Variants in MAP3K9 observed in about 807,000 individuals in gnomAD.
The protein encoded by MAP3K9 is mitogen-activated protein kinase kinase kinase 9, also known as mixed lineage kinase 1 (tyr and ser/thr specificity).
Under a neutral mutation model 95.8 loss-of-function variants are expected in MAP3K9, and 46 were observed. The ratio of observed to expected loss-of-function variants is 0.48; its 90% CI spans 0.38 to 0.61. The LOEUF is 0.61. MAP3K9 is among the 20% of genes least tolerant of loss of function. The pLI is 0.00. For synonymous variants in MAP3K9, 533 were observed against 593.8 expected, an observed-to-expected ratio of 0.90 and a Z score of 1.49; for missense variants, 1,296 against 1,474.3, an observed-to-expected ratio of 0.88 and a Z score of 1.98.
chr14:70,742,201 T>C (rs2054080037), intron 6 of MAP3K9, 150 bp downstream of exon 6: 1 of 1,066,566 alleles, frequency 9.4e-7, no homozygotes. Context: ...TGCCAGTCTT[T>C]CCAGTGAACA....
rs938586556 is a variant in MAP3K9 at position 70,723,988 on chromosome 14, T to A, written c.*6392A>T. On this transcript the variant is annotated 3_prime_UTR_variant, in exon 12 of 12. Coordinates refer to ENST00000554752, the MANE Select transcript of MAP3K9 (RefSeq NM_001284230.2). ...GTGGAAACGATACTAGCAGAGGGTG[T>A]GATGGGCCAAATTCTGAAGACTCAC... is the stretch of plus-strand genomic sequence containing the variant. 3 of 152,156 alleles carry A rather than the reference T, an allele frequency of 2.0e-5. No individual in the cohort carries two copies. The highest frequency in any genetic ancestry group is 6.5e-5 in the Admixed American group (1 of 15,272). 9.4% of individuals were successfully genotyped at this position (152,156 alleles called of 1,614,324 possible). A position where few individuals can be genotyped will look rare whatever the true frequency, so the allele number is the denominator to read the frequency against.
intron 2 of MAP3K9, among the ~76,000 whole-genome samples, chr14:70,767,545 G>A (rs893377318): frequency 6.6e-5 from 10 of 152,214 alleles, no homozygotes; most frequent in Admixed American, 5.2e-4. Context: ...TAGAGAAAGA[G>A]TAATACCTCA....
intron 5 of MAP3K9, among the ~76,000 whole-genome samples, chr14:70,746,688 T>C (rs1019115095): frequency 6.6e-6 from 1 of 152,244 alleles, no homozygotes; most frequent in Non-Finnish European, 1.5e-5. Flanking sequence ...TATTATCTCA[T>C]TAAATAAGAT....
At position 70,801,053 on chromosome 14, in the gene MAP3K9, G is replaced by A. The variant is rs2054924638; in HGVS notation, c.434C>T (p.Thr145Ile). ...QLLEIDFAELTLEEIIGIGGF... is the reference protein window; with the variant it reads ...QLLEIDFAELILEEIIGIGGF... ...CCCGATGCCAATAATCTCTTCCAAG[G>A]TGAGCTCCGCAAAATCAATTTCTAA... The change falls in exon 2 of 12, where the codon ACC (threonine) becomes ATC (isoleucine). Residue 145 changes from threonine to isoleucine, a missense_variant. Physicochemically the swap from Thr to Ile is moderately conservative, Grantham distance 89. Transcript: ENST00000554752. 1.2e-6 allele frequency: 2 copies of A among 1,611,444 alleles called. No homozygotes were observed. Among genetic ancestry groups the A allele is most frequent in the East Asian group, 2.2e-5 (1 of 44,816 alleles).
intron 3 of MAP3K9, among the ~76,000 whole-genome samples, chr14:70,754,661 T>C (rs1200901512): frequency 2.0e-5 from 3 of 152,006 alleles, no homozygotes; most frequent in Non-Finnish European, 4.4e-5. Context: ...TTAGTAGAGA[T>C]GGGGTTTCAC....
chr14:70,763,613 C>T (rs1452141937), intron 2 of MAP3K9, among the ~76,000 whole-genome samples: 1 of 151,864 alleles, frequency 6.6e-6, no homozygotes, highest in East Asian at 1.9e-4. Context: ...TTATTGCAGC[C>T]TCAATCTCCT....
chr14:70,737,542 C>G (rs560930836), intron 8 of MAP3K9, among the ~76,000 whole-genome samples: 1 of 152,318 alleles, frequency 6.6e-6, no homozygotes, highest in Admixed American at 6.5e-5. Context: ...CAGGCTCTCA[C>G]CCCTCTTGTG....
chr14:70,748,351 G>T (rs1187702550), intron 5 of MAP3K9, among the ~76,000 whole-genome samples: 1 of 152,106 alleles, frequency 6.6e-6, no homozygotes, highest in Non-Finnish European at 1.5e-5. Context: ...GAACTCCCTG[G>T]TTGGTTTGGG....
intron 2 of MAP3K9, among the ~76,000 whole-genome samples, chr14:70,777,088 C>A (rs2054609701): frequency 6.6e-6 from 1 of 151,894 alleles, no homozygotes; most frequent in African/African-American, 2.4e-5. Flanking sequence ...ACCTCGGCCT[C>A]CCAAAGTGCT....
At chr14:70,741,802 C>T (rs1179484217) in intron 6 of MAP3K9, among the ~76,000 whole-genome samples, 2 of 152,182 alleles carry the variant, frequency 1.3e-5, no homozygotes, top group East Asian at 3.9e-4. Context: ...CAAAAATCAG[C>T]TGGGCGTGGT....
intron 1 of MAP3K9, among the ~76,000 whole-genome samples, chr14:70,803,410 C>T (rs991322771): frequency 9.6e-5 from 14 of 145,314 alleles, no homozygotes; most frequent in Non-Finnish European, 6.0e-5. Context: ...AATAATCACA[C>T]TTCACTGAAA....
At chr14:70,786,676 T>C (rs1016318610) in intron 2 of MAP3K9, among the ~76,000 whole-genome samples, 21 of 152,276 alleles carry the variant, frequency 1.4e-4, no homozygotes, top group Admixed American at 2.0e-4. Flanking sequence ...CAGTGTTCCA[T>C]TGTCGGGCTA....
intron 2 of MAP3K9, among the ~76,000 whole-genome samples, chr14:70,782,157 C>T (rs148572810): frequency 1.3e-5 from 2 of 152,304 alleles, no homozygotes; most frequent in East Asian, 1.9e-4. Context: ...CCCCCTACTA[C>T]ATCACACTGT....
In MAP3K9 at chr14:70,737,036, T is replaced by C. The variant is rs116144175; in HGVS notation, c.1845-1007A>G. Among the ~76,000 whole-genome samples, 399 of 152,306 alleles carry C rather than the reference T, an allele frequency of 2.6e-3. 2 individuals carry two copies. Among genetic ancestry groups the C allele is most frequent in the African/African-American group, 9.3e-3 (386 of 41,574 alleles). The stretch of plus-strand genomic sequence containing the variant: ...TTCAGGGCACTTGTAAGCCTAATAT[T>C]CAACCTGAGAAGCTCTTTAGAAAGT... On this transcript the variant is annotated intron_variant, in intron 8 of 11. Coordinates refer to ENST00000554752, the MANE Select transcript of MAP3K9 (RefSeq NM_001284230.2).
chr14:70,765,345 T>C, intron 2 of MAP3K9: 1 of 436,822 alleles, frequency 2.3e-6, no homozygotes. Context: ...AAGTTTTCTT[T>C]ATAAATTTAG....
At chr14:70,733,508 G>A (rs2053942577) in intron 10 of MAP3K9, 166 bp from the exon 11 acceptor site, 1 of 603,568 alleles carries the variant, frequency 1.7e-6, no homozygotes, top group Non-Finnish European at 3.0e-6. Context: ...GAACCAAGGG[G>A]GCTTTATCCA....
At chr14:70,742,221 A>C in intron 6 of MAP3K9, 130 bp downstream of exon 6, 2 of 1,297,944 alleles carry the variant, frequency 1.5e-6, no homozygotes, top group East Asian at 4.6e-5. Flanking sequence ...AGAATGGCCC[A>C]TTTAAAACAG....
At chr14:70,802,986 CAT>C (rs967271506) in intron 1 of MAP3K9, among the ~76,000 whole-genome samples, 23 of 152,220 alleles carry the variant, frequency 1.5e-4, no homozygotes, top group African/African-American at 5.5e-4. Flanking sequence ...GCCGATCCCC[CAT>C]GAATGGCTTG....
intron 10 of MAP3K9, chr14:70,733,752 C>T (rs1214963249): frequency 1.4e-6 from 1 of 718,326 alleles, no homozygotes. Flanking sequence ...GAGAGGAAGA[C>T]CCACCTTCAA....
Sources: gnomAD v4.1 joint callset for allele counts (sites outside exome capture counted in the v4.1 genomes callset) on GRCh38, gnomAD v4.1.1 for gene constraint, MANE v1.5 for transcripts, NCBI Gene and HGNC (gene_info 2026-07-23, HGNC 2026-07-21) for gene names.